TTC23L: variants seen among roughly 807,000 people sequenced by gnomAD.
TTC23L encodes tetratricopeptide repeat domain 23 like, also known as tetratricopeptide repeat protein 23-like.
Under a neutral mutation model 48.1 loss-of-function variants are expected in TTC23L, and 42 were observed. That is an observed-to-expected ratio of 0.87 (90% confidence interval 0.68 to 1.13). TTC23L has a LOEUF of 1.13. Ranked by LOEUF, TTC23L falls within the 50% of genes most tolerant of loss-of-function variation. The pLI, the probability that TTC23L is intolerant of heterozygous loss-of-function variation, is 0.00. For missense variants in TTC23L, 391 were observed against 421.0 expected (o/e 0.93, Z 0.62); for synonymous variants, 159 against 157.2 (o/e 1.01, Z -0.09).
At position 34,850,177 on chromosome 5, in the gene TTC23L, C is replaced by T. The variant is rs752945993; in HGVS notation, c.256-8C>T. ...TCCAAAAAGTATAATCACTTCTGTA[C>T]TCTACAGAATACTCAAGCAAACAAG... is the stretch of plus-strand genomic sequence containing the variant. On this transcript the variant is annotated splice_region_variant and splice_polypyrimidine_tract_variant and intron_variant, in intron 3 of 10. Transcript: ENST00000505624. The T allele has an allele frequency of 1.9e-6, 3 of 1,613,564 alleles. No individual in the cohort carries two copies. In the African/African-American group the frequency reaches 4.0e-5, roughly 22 times the overall value.
chr5:34,902,304 T>C (rs777508181), downstream of TTC23L: 7 of 215,796 alleles, frequency 3.2e-5, no homozygotes, highest in Non-Finnish European at 7.0e-5. Flanking sequence ...TAATCCCAGG[T>C]GCTTGGGAGG....
chr5:34,868,639 T>G, intron 7 of TTC23L: 1 of 296,980 alleles, frequency 3.4e-6, no homozygotes, highest in South Asian at 5.1e-5. Flanking sequence ...TGAAATCTAA[T>G]AAAAATTATA....
intron 10 of TTC23L, among the ~76,000 whole-genome samples, chr5:34,897,159 T>C (rs539361654): frequency 7.9e-4 from 120 of 152,044 alleles, no homozygotes; most frequent in African/African-American, 2.8e-3. Context: ...CTGAGGCAGG[T>C]GGATTGTCTG....
intron 3 of TTC23L, among the ~76,000 whole-genome samples, chr5:34,848,956 C>T (rs748048384): frequency 1.3e-5 from 2 of 152,112 alleles, no homozygotes; most frequent in Non-Finnish European, 2.9e-5. Context: ...ACATAAAATA[C>T]GTTTTAAAAT....
chr5:34,846,931 AAGTCAAAGACTTG>A (rs57924162), intron 3 of TTC23L, among the ~76,000 whole-genome samples: 167 of 152,240 alleles, frequency 1.1e-3, no homozygotes, highest in African/African-American at 3.9e-3. Flanking sequence ...TTCTAAGAGC[AAGTCAAAGACTTG>A]AGTCAAAGAT....
chr5:34,879,074 T>TA lies in TTC23L; in HGVS notation c.950-1105dup, dbSNP rs1401381484. On this transcript the variant is annotated intron_variant, in intron 8 of 10. Transcript: ENST00000505624. The stretch of plus-strand genomic sequence containing the variant: ...TGGATGGAACTGAAAGTCATTATCT[T>TA]AAGTGAAACAAGCCAGACACAGAAA... Among the ~76,000 whole-genome samples the TA allele has an allele frequency of 2.6e-5, 4 of 152,226 alleles. No individual in the cohort carries two copies. In the East Asian group the frequency reaches 7.7e-4, roughly 29 times the overall value.
Position 34,880,169 on chromosome 5 carries a change from C to G in TTC23L, c.950-12C>G, listed in dbSNP as rs1460601692. The G allele has an allele frequency of 6.2e-7, 1 of 1,600,900 alleles. No homozygotes were observed. The highest frequency in any genetic ancestry group is 1.3e-5 in the African/African-American group (1 of 74,124). On this transcript the variant is annotated splice_polypyrimidine_tract_variant and intron_variant, in intron 8 of 10. Transcript: ENST00000505624. Reference sequence around the variant, plus strand: ...AGCAGCTTGCCTTAAATAATTGTTTCAATTTTTCCAGATGCTGTTGAGATA... The same window carrying G: ...AGCAGCTTGCCTTAAATAATTGTTTGAATTTTTCCAGATGCTGTTGAGATA...
Position 34,850,386 on chromosome 5 carries a change from G to A in TTC23L, c.379+78G>A, listed in dbSNP as rs538174731. ...GACCCACACAACCTCAGTGAGGATGGGCATGACTAGGAGGGCCCCTTCTTG... is the reference window on the plus strand; with the variant it reads ...GACCCACACAACCTCAGTGAGGATGAGCATGACTAGGAGGGCCCCTTCTTG... On this transcript the variant is annotated intron_variant, in intron 4 of 10. Transcript: ENST00000505624. 5.7e-5 allele frequency: 90 copies of A among 1,579,450 alleles called. No individual in the cohort carries two copies. The Middle Eastern group carries it at 8.5e-4, about 15-fold the overall frequency.
chr5:34,898,126 A>G (rs535309277), intron 10 of TTC23L, among the ~76,000 whole-genome samples: 1 of 152,360 alleles, frequency 6.6e-6, no homozygotes, highest in East Asian at 1.9e-4. Flanking sequence ...TAAAGTGCTT[A>G]GCAGAGTGCC....
downstream of TTC23L, among the ~76,000 whole-genome samples, chr5:34,901,292 C>T (rs540509774): frequency 6.6e-6 from 1 of 151,680 alleles, no homozygotes; most frequent in East Asian, 1.9e-4. Context: ...ACAGTTCAAA[C>T]CCATGTTGTT....
downstream of TTC23L, among the ~76,000 whole-genome samples, chr5:34,903,585 AC>A (rs1209318635): frequency 6.6e-6 from 1 of 152,232 alleles, no homozygotes; most frequent in Non-Finnish European, 1.5e-5. Context: ...ATAGTATCAT[AC>A]ATATTAGTTT....
At chr5:34,856,585 A>T (rs1760146366) in intron 4 of TTC23L, among the ~76,000 whole-genome samples, 1 of 152,362 alleles carries the variant, frequency 6.6e-6, no homozygotes, top group South Asian at 2.1e-4. Flanking sequence ...ATGGAAGCCA[A>T]GGTTGAAGTA....
intron 2 of TTC23L, among the ~76,000 whole-genome samples, chr5:34,843,075 T>G (rs1758823948): frequency 6.6e-6 from 1 of 152,178 alleles, no homozygotes; most frequent in South Asian, 2.1e-4. Context: ...TCCAGAGTGC[T>G]GGGATTAGAG....
At position 34,840,249 on chromosome 5, in the gene TTC23L, G is replaced by A. The variant is rs961291996; in HGVS notation, c.-7-416G>A. 4.3e-5 allele frequency among the ~76,000 whole-genome samples: 5 copies of A among 117,008 alleles called. 2 individuals are homozygous for A. Among genetic ancestry groups the A allele is most frequent in the East Asian group, 4.3e-4 (2 of 4,612 alleles). The allele number at this position is 117,008 out of a possible 152,430, so 76.8% of individuals were successfully genotyped here. On this transcript the variant is annotated intron_variant, in intron 1 of 10. Transcript: ENST00000505624. ...AGTGAAATGACCCCGGGGGGGGGGG[G>A]GAAAGCAGAATTAACCAATACACTG...
At chr5:34,871,765 C>T (rs148230358) in intron 8 of TTC23L, among the ~76,000 whole-genome samples, 2 of 152,168 alleles carry the variant, frequency 1.3e-5, no homozygotes, top group East Asian at 3.9e-4. Flanking sequence ...GTTATTGGAA[C>T]ACAATGTAGT....
In TTC23L at chr5:34,858,211, T is replaced by A. The variant is rs1260239761; in HGVS notation, c.380-4687T>A. Among the ~76,000 whole-genome samples, 5 of 152,184 alleles carry A rather than the reference T, an allele frequency of 3.3e-5. No homozygotes were observed. In the East Asian group the frequency reaches 9.6e-4, roughly 29 times the overall value. The stretch of plus-strand genomic sequence containing the variant: ...TGTCAGTGCAGGTAGAAGGGTGGTA[T>A]CCTTGGCTTGGGAGGGCAGATACAG... On this transcript the variant is annotated intron_variant, in intron 4 of 10. Transcript: ENST00000505624.
chr5:34,915,415 C>T, the TTC23L span: 5 of 275,878 alleles, frequency 1.8e-5, no homozygotes, highest in South Asian at 3.2e-4. Context: ...GGAAACCCTA[C>T]CTTTGCGGTG....
At chr5:34,877,025 C>A (rs1230302573) in intron 8 of TTC23L, among the ~76,000 whole-genome samples, 2 of 152,020 alleles carry the variant, frequency 1.3e-5, no homozygotes, top group African/African-American at 4.8e-5. Flanking sequence ...AACAAAACTG[C>A]AGATCAATAC....
the TTC23L span, chr5:34,913,530 G>C: frequency 1.2e-6 from 2 of 1,604,558 alleles, no homozygotes; most frequent in Non-Finnish European, 1.7e-6. Context: ...AAATTAATTC[G>C]AAAAGTAACA....
Sources: allele counts gnomAD v4.1 joint callset (sites outside exome capture counted in the v4.1 genomes callset), GRCh38; gene constraint gnomAD v4.1.1; transcripts MANE v1.5; gene names NCBI Gene and HGNC (gene_info 2026-07-23, HGNC 2026-07-21).